The following KCNE2 variants were observed in gnomAD, a reference collection of about 807,000 sequenced individuals.
KCNE2 encodes the protein potassium voltage-gated channel subfamily E member 2.
In KCNE2, 4 loss-of-function variants were observed where a neutral mutation model predicts 4.5. The observed-to-expected ratio is 0.89, with a 90% CI of 0.44 to 2.03. The LOEUF (loss-of-function observed/expected upper bound fraction) is 2.03. Ranked by LOEUF, KCNE2 falls within the 30% of genes most tolerant of loss-of-function variation. The pLI is 0.03. For synonymous variants in KCNE2, 57 were observed against 55.9 expected (o/e 1.02, Z -0.09); for missense variants, 137 against 151.4 (o/e 0.90, Z 0.50).
chr21:34,370,672 T>A lies in KCNE2; in HGVS notation c.194T>A (p.Val65Glu), dbSNP rs1217144700. Residue 65 changes from valine to glutamate, a missense_variant, in exon 2 of 2, where the codon GTG becomes GAG. Coordinates refer to ENST00000290310, the MANE Select transcript of KCNE2 (RefSeq NM_172201.2). Reference sequence around the variant, plus strand: ...ATTGGAATGTTCTCTTTCATCATCGTGGCCATCCTGGTGAGCACTGTGAAA... The same window carrying A: ...ATTGGAATGTTCTCTTTCATCATCGAGGCCATCCTGGTGAGCACTGTGAAA... ...VMIGMFSFII[V>E]AILVSTVKSK... The A allele has an allele frequency of 6.2e-7, 1 of 1,614,232 alleles. No homozygotes were observed. The highest frequency in any genetic ancestry group is 1.1e-5 in the South Asian group (1 of 91,082).
At chr21:34,366,489 A>G (rs1336157915) in intron 1 of KCNE2, among the ~76,000 whole-genome samples, 1 of 151,918 alleles carries the variant, frequency 6.6e-6, no homozygotes, top group Non-Finnish European at 1.5e-5. Context: ...ATTTTTAGTA[A>G]AGATTTGCTA....
Position 34,371,153 on chromosome 21 carries a change from G to T in KCNE2, c.*303G>T. Reference sequence around the variant, plus strand: ...AGCCAAATTTGAAGTAAAGTGTCTGGGCAGTGGCTGTGGGGATAGAAAGGA... The same window carrying T: ...AGCCAAATTTGAAGTAAAGTGTCTGTGCAGTGGCTGTGGGGATAGAAAGGA... On this transcript the variant is annotated 3_prime_UTR_variant, in exon 2 of 2. Transcript: ENST00000290310. The T allele has an allele frequency of 2.4e-6, 1 of 415,028 alleles. No individual in the cohort carries two copies. The highest frequency in any genetic ancestry group is 4.6e-6 in the Non-Finnish European group (1 of 217,288). The allele number at this position is 415,028 out of a possible 1,614,324, so 25.7% of individuals were successfully genotyped here.
rs751931568 is a variant in KCNE2 at position 34,370,687 on chromosome 21, G to A, written c.209G>A (p.Ser70Asn). The A allele has an allele frequency of 2.7e-5, 43 of 1,614,060 alleles. No homozygotes were observed. In the Middle Eastern group the frequency reaches 2.3e-3, roughly 86 times the overall value. ...FSFIIVAILV[S>N]TVKSKRREHS... is the part of the protein sequence containing the mutation. ...TTCATCATCGTGGCCATCCTGGTGA[G>A]CACTGTGAAATCCAAGAGACGGGAA... The change falls in exon 2 of 2, where the codon AGC becomes AAC. Residue 70 changes from serine to asparagine, a missense_variant. Physicochemically the swap from Ser to Asn is conservative, Grantham distance 46. Coordinates refer to ENST00000290310, the MANE Select transcript of KCNE2 (RefSeq NM_172201.2).
intron 1 of KCNE2, among the ~76,000 whole-genome samples, chr21:34,368,288 ATATG>A (rs899924274): frequency 1.4e-5 from 2 of 139,590 alleles, no homozygotes; most frequent in African/African-American, 5.6e-5. Flanking sequence ...TATGTTATAT[ATATG>A]TATGTATGTA....
intron 1 of KCNE2, among the ~76,000 whole-genome samples, chr21:34,364,772 CAA>C (rs60945367): frequency 1.1e-3 from 143 of 135,142 alleles, no homozygotes; most frequent in Admixed American, 1.0e-3. Flanking sequence ...GACTCCATCT[CAA>C]AAAAAAAAAA....
intron 1 of KCNE2, among the ~76,000 whole-genome samples, chr21:34,368,229 A>AATATATAT (rs10596236): frequency 0.036 from 3,022 of 84,366 alleles, 72 homozygotes; most frequent in East Asian, 0.051. Context: ...ACACACACAC[A>AATATATAT]ATATATATAT....
intron 1 of KCNE2, among the ~76,000 whole-genome samples, chr21:34,364,772 CAAA>C (rs60945367): frequency 4.4e-5 from 6 of 135,148 alleles, no homozygotes; most frequent in Admixed American, 7.3e-5. Context: ...GACTCCATCT[CAAA>C]AAAAAAAAAA....
intron 1 of KCNE2, among the ~76,000 whole-genome samples, chr21:34,368,646 T>C (rs369940303): frequency 6.6e-6 from 1 of 152,170 alleles, no homozygotes; most frequent in Admixed American, 6.5e-5. Context: ...CTTGATGTTA[T>C]GTCTAAAGCC....
intron 1 of KCNE2, 90 bp from the exon 2 acceptor site, chr21:34,370,377 C>T: frequency 6.8e-7 from 1 of 1,473,800 alleles, no homozygotes; most frequent in South Asian, 1.1e-5. Context: ...TACTTATACC[C>T]TGGCATCTCC....
rs759027023 is a variant in KCNE2, at chr21:34,364,145, T to A, written c.-19T>A. On this transcript the variant is annotated 5_prime_UTR_variant, in exon 1 of 2. Coordinates refer to ENST00000290310, the MANE Select transcript of KCNE2 (RefSeq NM_172201.2). ...AAGGAATTTCATCCTGCCCACACAC[T>A]GCATAGGTAAGTCTTAGCACACATT... The A allele has an allele frequency of 7.9e-5, 12 of 152,196 alleles. No homozygotes were observed. Among genetic ancestry groups the A allele is most frequent in the Non-Finnish European group, 1.5e-4 (10 of 68,032 alleles). The allele number at this position is 152,196 out of a possible 1,614,324, so 9.4% of individuals were successfully genotyped here. A position where few individuals can be genotyped will look rare whatever the true frequency, so the allele number is the denominator to read the frequency against.
chr21:34,366,286 T>C (rs537707811), intron 1 of KCNE2, among the ~76,000 whole-genome samples: 38 of 152,310 alleles, frequency 2.5e-4, no homozygotes, highest in Non-Finnish European at 4.7e-4. Flanking sequence ...GCTTCCTACG[T>C]GCATAGGTAT....
At chr21:34,368,805 C>A (rs56307674) in intron 1 of KCNE2, among the ~76,000 whole-genome samples, 1 of 151,788 alleles carries the variant, frequency 6.6e-6, no homozygotes, top group Non-Finnish European at 1.5e-5. Flanking sequence ...TGTGAGGTTA[C>A]CAATTTTTTT....
At chr21:34,366,734 C>T (rs1006621353) in intron 1 of KCNE2, among the ~76,000 whole-genome samples, 1 of 151,926 alleles carries the variant, frequency 6.6e-6, no homozygotes, top group Non-Finnish European at 1.5e-5. Context: ...AATCCCAGCA[C>T]TTTGGGAGGC....
intron 1 of KCNE2, among the ~76,000 whole-genome samples, chr21:34,364,647 C>T (rs4817649): frequency 0.52 from 78,083 of 151,596 alleles, 22,084 homozygotes; most frequent in East Asian, 0.76. Context: ...GTGGCTGGCG[C>T]CTGTAGTCCC....
At position 34,370,912 on chromosome 21, in the gene KCNE2, G is replaced by A. The variant is rs72550218; in HGVS notation, c.*62G>A. On this transcript the variant is annotated 3_prime_UTR_variant, in exon 2 of 2. Coordinates refer to ENST00000290310, the MANE Select transcript of KCNE2 (RefSeq NM_172201.2). ...AGACATGAAGAGATGCCAGTGCCACGAGGCAAATCCAAATTGTCTTTGCTT... is the reference window on the plus strand; with the variant it reads ...AGACATGAAGAGATGCCAGTGCCACAAGGCAAATCCAAATTGTCTTTGCTT... 637 of 1,604,966 alleles carry A rather than the reference G, an allele frequency of 4.0e-4. 1 individual carries two copies. The highest frequency in any genetic ancestry group is 1.3e-3 in the Middle Eastern group (6 of 4,540).
At chr21:34,368,229 A>ACACACACTATATATATATATAT (rs781775671) in intron 1 of KCNE2, among the ~76,000 whole-genome samples, 1 of 84,810 alleles carries the variant, frequency 1.2e-5, no homozygotes, top group African/African-American at 6.0e-5. Context: ...ACACACACAC[A>ACACACACTATATATATATATAT]ATATATATAT....
chr21:34,368,229 A>ACACAATATATAT (rs781775671), intron 1 of KCNE2, among the ~76,000 whole-genome samples: 4 of 84,794 alleles, frequency 4.7e-5, no homozygotes, highest in Non-Finnish European at 8.1e-5. Context: ...ACACACACAC[A>ACACAATATATAT]ATATATATAT....
intron 1 of KCNE2, among the ~76,000 whole-genome samples, chr21:34,369,320 C>T (rs184934143): frequency 2.7e-4 from 41 of 152,182 alleles, no homozygotes; most frequent in Admixed American, 1.5e-3. Flanking sequence ...GAGGCTGAGG[C>T]GGGTGGATCA....
intron 1 of KCNE2, among the ~76,000 whole-genome samples, chr21:34,368,254 ATATATATGTATGT>A (rs1321853220): frequency 3.6e-4 from 38 of 104,780 alleles, no homozygotes; most frequent in African/African-American, 1.2e-3. Flanking sequence ...ATATATATAT[ATATATATGTATGT>A]TATATATATG....
Sources: allele counts gnomAD v4.1 joint callset (sites outside exome capture counted in the v4.1 genomes callset), GRCh38; gene constraint gnomAD v4.1.1; transcripts MANE v1.5; gene names NCBI Gene and HGNC (gene_info 2026-07-23, HGNC 2026-07-21).